The following MYOCD variants were observed in gnomAD, a reference collection of about 807,000 sequenced individuals.
MYOCD encodes myocardin.
Under a neutral mutation model 96.1 loss-of-function variants are expected in MYOCD, and 32 were observed. That is an observed-to-expected ratio of 0.33 (90% CI 0.25 to 0.45). The LOEUF (loss-of-function observed/expected upper bound fraction) is 0.45. MYOCD is among the 20% of genes least tolerant of loss of function. The pLI, the probability that MYOCD is intolerant of heterozygous loss-of-function variation, is 1.00. For missense variants in MYOCD, 1,133 were observed against 1,200.6 expected (o/e 0.94, Z 0.83); for synonymous variants, 469 against 469.0 (o/e 1.00, Z 0.00).
rs2032436523 is a variant in MYOCD, at chr17:12,739,293, C to A, written c.682C>A (p.Pro228Thr). 6.2e-7 allele frequency: 1 copy of A among 1,608,312 alleles called. No homozygotes were observed. The highest frequency in any genetic ancestry group is 1.7e-5 in the Admixed American group (1 of 58,828). The change falls in exon 7 of 14, where the codon CCC (proline) becomes ACC (threonine). Residue 228 changes from proline (P) to threonine (T), a missense_variant. Physicochemically the swap from Pro to Thr is conservative, Grantham distance 38. Transcript: ENST00000425538. Reference protein sequence around the residue: ...SDAGKQGLGPPSTPIAVHAAV... With the variant: ...SDAGKQGLGPTSTPIAVHAAV... ...TGCGGGGAAGCAGGGGCTTGGCCCCCCCAGCACCCCCATAGCCGTGCATGC... is the reference window on the plus strand; with the variant it reads ...TGCGGGGAAGCAGGGGCTTGGCCCCACCAGCACCCCCATAGCCGTGCATGC...
chr17:12,674,016 CA>C (rs143745648), intron 1 of MYOCD, among the ~76,000 whole-genome samples: 11,165 of 152,232 alleles, frequency 0.073, 545 homozygotes, highest in South Asian at 0.11. Context: ...AAATATGACT[CA>C]TGCCTCATCA....
At chr17:12,732,353 C>T (rs988488551) in intron 5 of MYOCD, among the ~76,000 whole-genome samples, 12 of 152,178 alleles carry the variant, frequency 7.9e-5, no homozygotes, top group Middle Eastern at 3.2e-3. Context: ...CCCATCCTTT[C>T]ATTGTCAGAC....
At chr17:12,703,885 A>G (rs2031184441) in intron 1 of MYOCD, among the ~76,000 whole-genome samples, 1 of 151,856 alleles carries the variant, frequency 6.6e-6, no homozygotes, top group South Asian at 2.1e-4. Flanking sequence ...TTAAGTTTTA[A>G]TGTTTCTACT....
At chr17:12,735,931 G>A (rs550373380) in intron 5 of MYOCD, among the ~76,000 whole-genome samples, 5 of 152,164 alleles carry the variant, frequency 3.3e-5, no homozygotes, top group African/African-American at 9.6e-5. Context: ...TGAAAATAAA[G>A]TTTAACAAGT....
intron 13 of MYOCD, chr17:12,762,708 G>A (rs1026282939): frequency 5.2e-6 from 1 of 190,804 alleles, no homozygotes; most frequent in African/African-American, 2.3e-5. Context: ...TCAGAAGCGG[G>A]GGGAGTAGCA....
chr17:12,745,715 C>T (rs915918875), intron 8 of MYOCD, among the ~76,000 whole-genome samples: 4 of 152,160 alleles, frequency 2.6e-5, no homozygotes, highest in African/African-American at 9.7e-5. Flanking sequence ...CCCTGCCACT[C>T]CCTCTTATCT....
At chr17:12,683,383 C>A (rs962272071) in intron 1 of MYOCD, among the ~76,000 whole-genome samples, 1 of 152,168 alleles carries the variant, frequency 6.6e-6, no homozygotes, top group Non-Finnish European at 1.5e-5. Flanking sequence ...CCCCTCCTTT[C>A]TTTCATTTGT....
intron 1 of MYOCD, among the ~76,000 whole-genome samples, chr17:12,682,529 G>A (rs1910535533): frequency 6.6e-6 from 1 of 152,194 alleles, no homozygotes; most frequent in South Asian, 2.1e-4. Flanking sequence ...AACAGAAAAG[G>A]GAAGGTAAAA....
intron 1 of MYOCD, among the ~76,000 whole-genome samples, chr17:12,700,919 G>T (rs2031040949): frequency 6.6e-6 from 1 of 151,886 alleles, no homozygotes; most frequent in Non-Finnish European, 1.5e-5. Flanking sequence ...TATGTGTGTG[G>T]GGGGGTTATA....
At chr17:12,750,379 A>G (rs1208115975) in intron 9 of MYOCD, among the ~76,000 whole-genome samples, 1 of 152,262 alleles carries the variant, frequency 6.6e-6, no homozygotes, top group African/African-American at 2.4e-5. Flanking sequence ...AATGTAATAA[A>G]GAGCTTTACA....
chr17:12,697,361 T>TATA (rs1567576270), intron 1 of MYOCD, among the ~76,000 whole-genome samples: 913 of 42,868 alleles, frequency 0.021, 4 homozygotes, highest in East Asian at 0.047. Flanking sequence ...ATATATATAT[T>TATA]TTTTTTTTTT....
At chr17:12,683,465 G>A (rs572069331) in intron 1 of MYOCD, among the ~76,000 whole-genome samples, 55 of 151,328 alleles carry the variant, frequency 3.6e-4, no homozygotes, top group Non-Finnish European at 6.9e-4. Flanking sequence ...GTGCGCGCGC[G>A]CTCTCTCTCT....
intron 1 of MYOCD, among the ~76,000 whole-genome samples, chr17:12,685,845 T>G (rs926043553): frequency 2.0e-5 from 3 of 152,336 alleles, no homozygotes; most frequent in Admixed American, 6.5e-5. Context: ...TAGAGGGACC[T>G]CAACAAATAG....
chr17:12,669,181 A>G (rs2150624567), intron 1 of MYOCD, among the ~76,000 whole-genome samples: 1 of 152,324 alleles, frequency 6.6e-6, no homozygotes, highest in Admixed American at 6.5e-5. Flanking sequence ...GTCACTATCA[A>G]CAGTTCTCCT....
intron 10 of MYOCD, among the ~76,000 whole-genome samples, chr17:12,756,212 A>G (rs1421300175): frequency 6.6e-6 from 1 of 152,174 alleles, no homozygotes; most frequent in Non-Finnish European, 1.5e-5. Context: ...TATGATGTGG[A>G]TACCTGGAGC....
intron 5 of MYOCD, among the ~76,000 whole-genome samples, chr17:12,727,854 CTT>C (rs2032045310): frequency 6.6e-6 from 1 of 152,160 alleles, no homozygotes; most frequent in Non-Finnish European, 1.5e-5. Flanking sequence ...CCCCTCTCCT[CTT>C]GAGTACCAGT....
chr17:12,760,585 A>T, intron 12 of MYOCD, 65 bp from the exon 13 acceptor site: 1 of 1,362,364 alleles, frequency 7.3e-7, no homozygotes, highest in South Asian at 1.2e-5. Context: ...TGCTGCTTCT[A>T]ATGATTTCCT....
intron 1 of MYOCD, among the ~76,000 whole-genome samples, chr17:12,699,501 G>A (rs930154441): frequency 4.6e-5 from 7 of 152,108 alleles, no homozygotes; most frequent in South Asian, 2.1e-4. Context: ...GATGATGCCC[G>A]AAATCAGTGT....
chr17:12,729,198 A>T (rs1314740631), intron 5 of MYOCD, among the ~76,000 whole-genome samples: 1 of 152,220 alleles, frequency 6.6e-6, no homozygotes, highest in East Asian at 1.9e-4. Context: ...CATCATGAGA[A>T]ATAATTTCCA....
Sources: allele counts gnomAD v4.1 joint callset (sites outside exome capture counted in the v4.1 genomes callset), GRCh38; gene constraint gnomAD v4.1.1; transcripts MANE v1.5; gene names NCBI Gene and HGNC (gene_info 2026-07-23, HGNC 2026-07-21).